The following CACNA1A variants were observed in gnomAD, a reference collection of about 807,000 sequenced individuals.
CACNA1A encodes calcium voltage-gated channel subunit alpha1 A.
In CACNA1A, 57 loss-of-function variants were observed where a neutral mutation model predicts 262.4. The ratio of observed to expected loss-of-function variants is 0.22; its 90% CI spans 0.18 to 0.27. The LOEUF is 0.27. Among genes scored for constraint, CACNA1A ranks in the 10% least tolerant of loss-of-function variants. CACNA1A has a pLI of 1.00. For synonymous variants in CACNA1A, 1,431 were observed against 1,419.3 expected (o/e 1.01, Z -0.18); for missense variants, 2,526 against 3,562.8 (o/e 0.71, Z 7.41).
At chr19:13,277,388 C>A (rs1245662510) in intron 22 of CACNA1A, 4 of 337,616 alleles carry the variant, frequency 1.2e-5, no homozygotes, top group Non-Finnish European at 2.2e-5. Context: ...TAGGCCAGTT[C>A]GCTAACCCAC....
intron 31 of CACNA1A, among the ~76,000 whole-genome samples, chr19:13,238,074 C>G (rs138445431): frequency 2.3e-3 from 351 of 152,130 alleles, no homozygotes; most frequent in Admixed American, 3.8e-3. Flanking sequence ...ACACATGAGG[C>G]AGGTAGGGGT....
chr19:13,345,678 C>T (rs143075856), intron 6 of CACNA1A, among the ~76,000 whole-genome samples: 7 of 152,192 alleles, frequency 4.6e-5, no homozygotes, highest in East Asian at 1.9e-4. Context: ...GGAGAACACC[C>T]GTTTCTCCAG....
At chr19:13,299,495 G>C in intron 18 of CACNA1A, 142 bp from the exon 19 acceptor site, 1 of 760,886 alleles carries the variant, frequency 1.3e-6, no homozygotes, top group Admixed American at 2.1e-5. Context: ...GAGTCTGTGA[G>C]CATCTGAGTC....
Position 13,303,589 on chromosome 19 carries a change from G to T in CACNA1A, c.2129C>A (p.Ala710Asp). ...GNYTLLNVFLAIAVDNLANAQ... is the reference protein window; with the variant it reads ...GNYTLLNVFLDIAVDNLANAQ... ...GTTGGCCAGATTGTCCACAGCGATG[G>T]CCAAGAACACATTCAGGAGGGTGTC... The change falls in exon 17 of 47, where the codon GCC becomes GAC. Residue 710 changes from alanine (A) to aspartate (D), a missense_variant. Ala to Asp is a moderately radical substitution (Grantham distance 126, BLOSUM62 -2). Transcript: ENST00000360228. The T allele has an allele frequency of 6.2e-7, 1 of 1,611,302 alleles. No individual in the cohort carries two copies. The highest frequency in any genetic ancestry group is 1.7e-5 in the Admixed American group (1 of 59,518).
At chr19:13,434,936 C>T (rs1411125303) in intron 3 of CACNA1A, among the ~76,000 whole-genome samples, 4 of 151,680 alleles carry the variant, frequency 2.6e-5, no homozygotes, top group African/African-American at 7.3e-5. Flanking sequence ...ACCACAGGCG[C>T]GTGCCACCAC....
At chr19:13,325,050 T>C (rs965455021) in intron 10 of CACNA1A, among the ~76,000 whole-genome samples, 3 of 151,142 alleles carry the variant, frequency 2.0e-5, no homozygotes, top group African/African-American at 7.3e-5. Flanking sequence ...CTTCTTCCTC[T>C]TCCCCTTCCC....
intron 2 of CACNA1A, among the ~76,000 whole-genome samples, chr19:13,453,873 G>A (rs1862262): frequency 1.3e-5 from 2 of 151,762 alleles, no homozygotes; most frequent in Admixed American, 1.3e-4. Flanking sequence ...TTCAATGGAC[G>A]CTTTTTATTT....
chr19:13,283,057 C>T (rs1030178498), intron 22 of CACNA1A, among the ~76,000 whole-genome samples: 9 of 152,230 alleles, frequency 5.9e-5, no homozygotes, highest in Non-Finnish European at 1.0e-4. Context: ...TCCACCCCAC[C>T]AGGCTCACAG....
chr19:13,234,372 A>AAAAAAAAC (rs2055788686), intron 34 of CACNA1A, among the ~76,000 whole-genome samples: 1 of 142,706 alleles, frequency 7.0e-6, no homozygotes, highest in Non-Finnish European at 1.5e-5. Context: ...AAAAAAAAAA[A>AAAAAAAAC]AAAGCCCCCC....
chr19:13,283,503 C>T lies in CACNA1A; in HGVS notation c.3693-107G>A, dbSNP rs78545770. ...TACCACTACTGAGATCTCCAACCCCCAAGGCCTCCTACACAACAAACTATT... is the reference window on the plus strand; with the variant it reads ...TACCACTACTGAGATCTCCAACCCCTAAGGCCTCCTACACAACAAACTATT... On this transcript the variant is annotated intron_variant, in intron 21 of 46. Coordinates refer to ENST00000360228, the MANE Select transcript of CACNA1A (RefSeq NM_001127222.2). 9,377 of 1,419,086 alleles carry T rather than the reference C, an allele frequency of 6.6e-3. 366 individuals carry two copies. In the African/African-American group the frequency reaches 0.099, roughly 15 times the overall value. The allele number at this position is 1,419,086 out of a possible 1,614,324, so 87.9% of individuals were successfully genotyped here.
intron 15 of CACNA1A, chr19:13,306,687 A>G (rs1293149708): frequency 6.6e-6 from 1 of 152,362 alleles, no homozygotes; most frequent in Non-Finnish European, 1.5e-5. Flanking sequence ...CCCATATCCC[A>G]ACCACCTCCT....
intron 3 of CACNA1A, among the ~76,000 whole-genome samples, chr19:13,425,486 C>G (rs1226369788): frequency 6.6e-6 from 1 of 152,190 alleles, no homozygotes; most frequent in Non-Finnish European, 1.5e-5. Context: ...GGTAAGAAAC[C>G]TGAAGTTAAT....
At chr19:13,253,696 G>A (rs1450070769) in intron 29 of CACNA1A, among the ~76,000 whole-genome samples, 2 of 151,394 alleles carry the variant, frequency 1.3e-5, no homozygotes, top group East Asian at 1.9e-4. Context: ...CGCCCTCCTC[G>A]GCCTCCCAAA....
At chr19:13,448,401 C>T (rs2060855892) in intron 3 of CACNA1A, among the ~76,000 whole-genome samples, 1 of 152,024 alleles carries the variant, frequency 6.6e-6, no homozygotes, top group African/African-American at 2.4e-5. Flanking sequence ...CTAATGGGTA[C>T]TAGGCTTAAT....
chr19:13,412,671 T>C (rs1432797984), intron 3 of CACNA1A, among the ~76,000 whole-genome samples: 2 of 151,286 alleles, frequency 1.3e-5, no homozygotes, highest in Non-Finnish European at 3.0e-5. Context: ...GAGACGGGGT[T>C]TCACCATGTT....
At chr19:13,216,476 TAC>T (rs1320620389) in intron 38 of CACNA1A, among the ~76,000 whole-genome samples, 1 of 152,124 alleles carries the variant, frequency 6.6e-6, no homozygotes, top group African/African-American at 2.4e-5. Flanking sequence ...TAGCTGGGAT[TAC>T]AGACATCTGC....
At chr19:13,311,689 T>C (rs1046510753) in intron 12 of CACNA1A, among the ~76,000 whole-genome samples, 1 of 151,882 alleles carries the variant, frequency 6.6e-6, no homozygotes, top group Non-Finnish European at 1.5e-5. Context: ...TACAAAAAAT[T>C]AGCCAGGTAT....
intron 37 of CACNA1A, chr19:13,226,577 A>G (rs532950908): frequency 3.3e-5 from 5 of 152,228 alleles, no homozygotes; most frequent in African/African-American, 4.8e-5. Flanking sequence ...GAGGGAACAG[A>G]GCATCTGTCC....
In CACNA1A at chr19:13,308,037, C is replaced by T. The variant is rs1248609443; in HGVS notation, c.1913+83G>A. 4 of 1,556,630 alleles carry T rather than the reference C, an allele frequency of 2.6e-6. No homozygotes were observed. The highest frequency in any genetic ancestry group is 1.8e-6 in the Non-Finnish European group (2 of 1,140,942). The stretch of plus-strand genomic sequence containing the variant: ...ATGGGTGTCTGGGCTACGAGGAAGG[C>T]AGCCTGCACGGTGGAGGGGACTGTG... On this transcript the variant is annotated intron_variant, in intron 14 of 46. Coordinates refer to ENST00000360228, the MANE Select transcript of CACNA1A (RefSeq NM_001127222.2). This position sits in a 1 kb window ranked among gnomAD's most constrained non-coding sequence, Gnocchi z 4.2.
Sources: gnomAD v4.1 joint callset for allele counts (sites outside exome capture counted in the v4.1 genomes callset) on GRCh38, gnomAD v4.1.1 for gene constraint, Gnocchi (gnomAD v3.1) non-coding constraint, MANE v1.5 for transcripts, NCBI Gene and HGNC (gene_info 2026-07-23, HGNC 2026-07-21) for gene names.